The following TMCO5A variants were observed in gnomAD, a reference collection of about 807,000 sequenced individuals.
The protein encoded by TMCO5A is transmembrane and coiled-coil domains 5A.
In TMCO5A, 34 loss-of-function variants were observed where a neutral mutation model predicts 42.3. The ratio of observed to expected loss-of-function variants is 0.80; its 90% CI spans 0.61 to 1.07. The LOEUF (loss-of-function observed/expected upper bound fraction) is 1.07, where lower values mean the gene tolerates loss of function less well. Among genes scored for constraint, TMCO5A ranks in the 50% least tolerant of loss-of-function variants. The probability of loss-of-function intolerance (pLI) is 0.00; values close to 1 mark genes in which losing one functional copy is unlikely to be tolerated. For missense variants in TMCO5A, 357 were observed against 327.9 expected (o/e 1.09, Z -0.69); for synonymous variants, 131 against 115.6 (o/e 1.13, Z -0.86).
the TMCO5A span, among the ~76,000 whole-genome samples, chr15:38,001,907 A>G: frequency 1.5e-4 from 23 of 152,006 alleles, no homozygotes; most frequent in African/African-American, 4.8e-4. Context: ...ACTATTTTTG[A>G]TAGGTTCATC....
the TMCO5A span, among the ~76,000 whole-genome samples, chr15:38,001,173 G>T: frequency 6.6e-6 from 1 of 151,916 alleles, no homozygotes; most frequent in Non-Finnish European, 1.5e-5. Flanking sequence ...TATATATCTG[G>T]ATGCCCCAGT....
chr15:38,034,952 C>T, the TMCO5A span, among the ~76,000 whole-genome samples: 31 of 152,268 alleles, frequency 2.0e-4, no homozygotes, highest in African/African-American at 6.7e-4. Context: ...CCAGGATCCA[C>T]ATCCAGAGCC....
chr15:37,938,292 T>A (rs1889602043), intron 6 of TMCO5A, 63 bp downstream of exon 6: 93 of 1,389,816 alleles, frequency 6.7e-5, no homozygotes, highest in Non-Finnish European at 9.0e-5. Flanking sequence ...AGCTGTTAAG[T>A]TGGAAATCAA....
intron 10 of TMCO5A, 22 bp downstream of exon 10, chr15:37,943,420 C>G: frequency 6.2e-7 from 1 of 1,609,710 alleles, no homozygotes; most frequent in South Asian, 1.1e-5. Flanking sequence ...ATTCTCTCTT[C>G]AGCTCCTCAC....
downstream of TMCO5A, among the ~76,000 whole-genome samples, chr15:37,952,334 AG>A (rs1277432924): frequency 6.6e-6 from 1 of 152,040 alleles, no homozygotes; most frequent in African/African-American, 2.4e-5. Flanking sequence ...CTGCTCAAGG[AG>A]GACTCAAGTT....
At chr15:37,951,885 C>T (rs146887073), downstream of TMCO5A, among the ~76,000 whole-genome samples, 3 of 152,200 alleles carry the variant, frequency 2.0e-5, no homozygotes, top group East Asian at 5.8e-4. Context: ...GAATCACCAA[C>T]ACCCCCCCTT....
chr15:37,981,451 AT>A, the TMCO5A span, among the ~76,000 whole-genome samples: 1 of 152,206 alleles, frequency 6.6e-6, no homozygotes, highest in Admixed American at 6.5e-5. Context: ...ATGATTTAAA[AT>A]TTTTGATTTT....
chr15:37,944,539 A>G (rs1216727987), intron 10 of TMCO5A: 1 of 152,148 alleles, frequency 6.6e-6, no homozygotes, highest in Non-Finnish European at 1.5e-5. Flanking sequence ...ACTATAGATC[A>G]AAATTTGTAA....
chr15:37,960,256 T>G lies in TMCO5A; in HGVS notation c.669-6369T>G, dbSNP rs182484450. Among the ~76,000 whole-genome samples the G allele has an allele frequency of 3.3e-5, 5 of 152,226 alleles. 1 individual carries two copies. The highest frequency in any genetic ancestry group is 3.4e-3 in the Middle Eastern group (1 of 294). ...TGCCTTTGCGTCCTCATAGCTTAGCTCCCACATATCAGTAATAACATATGA... is the reference window on the plus strand; with the variant it reads ...TGCCTTTGCGTCCTCATAGCTTAGCGCCCACATATCAGTAATAACATATGA... On this transcript the variant is annotated intron_variant, in intron 11 of 11. Coordinates refer to the TMCO5A transcript ENST00000559502.
the TMCO5A span, among the ~76,000 whole-genome samples, chr15:38,021,366 G>C: frequency 1.3e-5 from 2 of 152,180 alleles, no homozygotes; most frequent in African/African-American, 4.8e-5. Flanking sequence ...AGGTCTGCGT[G>C]CAGCTCTCCA....
intron 6 of TMCO5A, among the ~76,000 whole-genome samples, chr15:37,939,002 A>T (rs1375151470): frequency 2.0e-5 from 3 of 152,014 alleles, no homozygotes; most frequent in Admixed American, 6.6e-5. Context: ...GAGCAGATAA[A>T]TTTTTTTATT....
At chr15:37,947,508 G>T in intron 10 of TMCO5A, 148 bp from the exon 11 acceptor site, 1 of 587,816 alleles carries the variant, frequency 1.7e-6, no homozygotes. Context: ...TTAAAATTTT[G>T]GCCTGAAAAT....
intron 8 of TMCO5A, 63 bp from the exon 9 acceptor site, chr15:37,942,128 A>G (rs1889767910): frequency 3.4e-6 from 5 of 1,481,452 alleles, no homozygotes; most frequent in South Asian, 1.2e-5. Flanking sequence ...AGTGCTTATT[A>G]TGCTTAGAAA....
intron 9 of TMCO5A, 136 bp downstream of exon 9, chr15:37,942,391 T>A (rs1889779514): frequency 1.3e-6 from 1 of 766,184 alleles, no homozygotes; most frequent in African/African-American, 1.7e-5. Flanking sequence ...CCTCTGTTAG[T>A]GATCTGGTTG....
chr15:38,017,943 A>ACT, the TMCO5A span, among the ~76,000 whole-genome samples: 5 of 149,410 alleles, frequency 3.3e-5, no homozygotes, highest in African/African-American at 4.9e-5. Flanking sequence ...TTCCCCCTTC[A>ACT]CTCTCTCTCT....
the TMCO5A span, chr15:37,993,430 T>C: frequency 6.6e-6 from 1 of 152,050 alleles, no homozygotes; most frequent in Non-Finnish European, 1.5e-5. Context: ...GCCTGAGGTG[T>C]CAGCATCTTC....
rs1338001773 is a variant in TMCO5A, at chr15:37,939,222, T to A, written c.387+993T>A. Among the ~76,000 whole-genome samples, 3 of 152,050 alleles carry A rather than the reference T, an allele frequency of 2.0e-5. No homozygotes were observed. In the East Asian group the frequency reaches 5.8e-4, roughly 29 times the overall value. ...TTGTGTGTATGAAGCCTCTGAAAAT[T>A]TGGATACATAGAAAATAGAAATAGA... On this transcript the variant is annotated intron_variant, in intron 6 of 11. Coordinates refer to ENST00000319669, the MANE Select transcript of TMCO5A (RefSeq NM_152453.4).
the TMCO5A span, among the ~76,000 whole-genome samples, chr15:38,003,175 A>T: frequency 6.6e-6 from 1 of 151,724 alleles, no homozygotes; most frequent in Non-Finnish European, 1.5e-5. Flanking sequence ...TATCTGGATT[A>T]TCCAGCAGAG....
the TMCO5A span, chr15:38,040,765 A>G: frequency 1.3e-5 from 2 of 152,222 alleles, no homozygotes; most frequent in African/African-American, 4.8e-5. Context: ...ACAGACTGGA[A>G]GTAGAACAGG....
Sources: allele counts gnomAD v4.1 joint callset (sites outside exome capture counted in the v4.1 genomes callset), GRCh38; gene constraint gnomAD v4.1.1; transcripts MANE v1.5; gene names NCBI Gene and HGNC (gene_info 2026-07-23, HGNC 2026-07-21).